TENM2: variants seen among roughly 807,000 people sequenced by gnomAD.
The protein encoded by TENM2 is teneurin-2.
Under a neutral mutation model 245.2 loss-of-function variants are expected in TENM2, and 52 were observed. The observed-to-expected ratio is 0.21, with a 90% CI of 0.17 to 0.27. TENM2 has a LOEUF of 0.27. TENM2 is among the 10% of genes least tolerant of loss of function. TENM2 has a pLI of 1.00. For missense variants in TENM2, 3,046 were observed against 3,666.8 expected (o/e 0.83, Z 4.37); for synonymous variants, 1,363 against 1,438.9 (o/e 0.95, Z 1.19).
intron 1 of TENM2, among the ~76,000 whole-genome samples, chr5:167,358,370 G>C (rs546056884): frequency 7.9e-5 from 12 of 151,904 alleles, no homozygotes; most frequent in Non-Finnish European, 1.8e-4. Flanking sequence ...ATTTGCAACA[G>C]TTAATCACTC....
chr5:167,156,044 G>A, the TENM2 span, among the ~76,000 whole-genome samples: 2 of 152,174 alleles, frequency 1.3e-5, no homozygotes, highest in African/African-American at 4.8e-5. Context: ...GAAGTGGTAG[G>A]ACAAGTGGGT....
At chr5:167,303,040 A>G in intron 1 of TENM2, 1 of 152,870 alleles carries the variant, frequency 6.5e-6, no homozygotes, top group Non-Finnish European at 1.5e-5. Context: ...GAGAGATTGA[A>G]GGGTGGTGCC....
intron 6 of TENM2, among the ~76,000 whole-genome samples, chr5:168,059,756 C>A (rs1029911337): frequency 1.3e-5 from 2 of 152,020 alleles, no homozygotes; most frequent in Non-Finnish European, 2.9e-5. Context: ...AAGTGTTTCC[C>A]CCTGGACATG....
intron 2 of TENM2, among the ~76,000 whole-genome samples, chr5:167,840,427 C>G (rs1195325403): frequency 6.6e-6 from 1 of 152,104 alleles, no homozygotes; most frequent in Non-Finnish European, 1.5e-5. Context: ...CCATACAGAT[C>G]CTGTTATAAC....
chr5:167,568,299 A>C (rs1774035793), intron 2 of TENM2, among the ~76,000 whole-genome samples: 2 of 152,176 alleles, frequency 1.3e-5, no homozygotes, highest in Admixed American at 6.5e-5. Context: ...ATGCAAAAGG[A>C]AAACATAGGG....
chr5:168,057,214 G>A (rs188178615), intron 6 of TENM2, among the ~76,000 whole-genome samples: 11 of 151,856 alleles, frequency 7.2e-5, no homozygotes, highest in Non-Finnish European at 1.2e-4. Flanking sequence ...TAAATAAATC[G>A]AGCTTGTGAA....
the TENM2 span, among the ~76,000 whole-genome samples, chr5:167,055,895 C>CTTCTT: frequency 1.3e-5 from 2 of 151,834 alleles, no homozygotes; most frequent in African/African-American, 2.4e-5. Context: ...CTGTATACCG[C>CTTCTT]TTCTTTTCTT....
chr5:167,853,058 G>A (rs1454064225), intron 2 of TENM2, among the ~76,000 whole-genome samples: 1 of 150,652 alleles, frequency 6.6e-6, no homozygotes, highest in Non-Finnish European at 1.5e-5. Context: ...AGGCCGAGGC[G>A]GGCGCATCAG....
intron 5 of TENM2, among the ~76,000 whole-genome samples, chr5:168,032,171 GT>G (rs1161299337): frequency 6.6e-6 from 1 of 152,170 alleles, no homozygotes; most frequent in African/African-American, 2.4e-5. Context: ...AGTTCCCATA[GT>G]TAAGCTAAAC....
At chr5:167,834,720 G>A (rs1768822150) in intron 2 of TENM2, among the ~76,000 whole-genome samples, 1 of 150,944 alleles carries the variant, frequency 6.6e-6, no homozygotes, top group African/African-American at 2.4e-5. Context: ...CGCGATCTCG[G>A]CTCACTGCAA....
intron 2 of TENM2, among the ~76,000 whole-genome samples, chr5:167,690,964 T>A (rs1757396735): frequency 6.8e-6 from 1 of 147,068 alleles, no homozygotes; most frequent in Non-Finnish European, 1.5e-5. Context: ...TGTGTGTGTG[T>A]GTGTGTAGAG....
intron 2 of TENM2, among the ~76,000 whole-genome samples, chr5:167,839,281 GC>G (rs1769269691): frequency 6.6e-6 from 1 of 152,132 alleles, no homozygotes; most frequent in African/African-American, 2.4e-5. Context: ...ATGAATCTTT[GC>G]CCCGAAGGCA....
chr5:167,059,269 T>C, the TENM2 span, among the ~76,000 whole-genome samples: 6 of 152,226 alleles, frequency 3.9e-5, no homozygotes. Flanking sequence ...ATTCCTAACA[T>C]GTTGATTTTA....
chr5:167,299,146 G>A (rs533262146), intron 1 of TENM2, among the ~76,000 whole-genome samples: 6 of 152,110 alleles, frequency 3.9e-5, no homozygotes, highest in South Asian at 2.1e-4. Context: ...CCTTTAGTCC[G>A]TTCTACCTTT....
the TENM2 span, among the ~76,000 whole-genome samples, chr5:167,268,385 A>G: frequency 6.6e-6 from 1 of 152,182 alleles, no homozygotes; most frequent in Admixed American, 6.5e-5. Context: ...GCCTAAGAAA[A>G]TGTATCAATT....
At chr5:167,448,257 G>A (rs1009539672) in intron 2 of TENM2, among the ~76,000 whole-genome samples, 11 of 152,062 alleles carry the variant, frequency 7.2e-5, no homozygotes, top group African/African-American at 2.7e-4. Context: ...AGGGGAGTTA[G>A]TGCCAGGGCA....
intron 7 of TENM2, among the ~76,000 whole-genome samples, chr5:168,089,270 C>T (rs1792719392): frequency 6.6e-6 from 1 of 152,168 alleles, no homozygotes; most frequent in African/African-American, 2.4e-5. Context: ...ACCCTTTTCA[C>T]CTCACCCCTG....
At chr5:167,359,966 C>T (rs901698224) in intron 1 of TENM2, among the ~76,000 whole-genome samples, 1 of 152,088 alleles carries the variant, frequency 6.6e-6, no homozygotes, top group Admixed American at 6.5e-5. Flanking sequence ...GGGAGCCAAA[C>T]AGTGAGAACA....
At chr5:167,291,620 T>C (rs555652684) in intron 1 of TENM2, among the ~76,000 whole-genome samples, 3 of 152,346 alleles carry the variant, frequency 2.0e-5, no homozygotes, top group African/African-American at 7.2e-5. Context: ...CACATGCTGA[T>C]GATACCTATA....
Sources: gnomAD v4.1 joint callset for allele counts (sites outside exome capture counted in the v4.1 genomes callset) on GRCh38, gnomAD v4.1.1 for gene constraint, MANE v1.5 for transcripts, NCBI Gene and HGNC (gene_info 2026-07-23, HGNC 2026-07-21) for gene names.